Variants in LSM2 observed in about 807,000 individuals in gnomAD.
The protein encoded by LSM2 is LSM2 homolog, U6 small nuclear RNA and mRNA degradation associated.
A neutral mutation model predicts 17.0 loss-of-function variants in LSM2; 12 were observed. That is an observed-to-expected ratio of 0.70 (90% CI 0.45 to 1.14). The LOEUF (loss-of-function observed/expected upper bound fraction) is 1.14. Among genes scored for constraint, LSM2 ranks in the 50% most tolerant of loss-of-function variants. The pLI, the probability that LSM2 is intolerant of heterozygous loss-of-function variation, is 0.00. For synonymous variants in LSM2, 42 were observed against 44.5 expected (o/e 0.94, Z 0.22); for missense variants, 62 against 111.8 (o/e 0.55, Z 2.01).
In LSM2 at chr6:31,800,610, G is replaced by A. The variant is rs532515684; in HGVS notation, c.72-2103C>T. Among the ~76,000 whole-genome samples, 12 of 152,108 alleles carry A rather than the reference G, an allele frequency of 7.9e-5. 1 individual carries two copies. Among genetic ancestry groups the A allele is most frequent in the African/African-American group, 2.4e-4 (10 of 41,498 alleles). Reference sequence around the variant, plus strand: ...TCTACTAAAAATACAAAAATTGGCCGGGCGTGGTGGCTCACGCCTATAATC... The same window carrying A: ...TCTACTAAAAATACAAAAATTGGCCAGGCGTGGTGGCTCACGCCTATAATC... On this transcript the variant is annotated intron_variant, in intron 2 of 4. Transcript: ENST00000375661.
At chr6:31,800,260 C>T (rs901093847) in intron 2 of LSM2, among the ~76,000 whole-genome samples, 1 of 151,868 alleles carries the variant, frequency 6.6e-6, no homozygotes, top group South Asian at 2.1e-4. Context: ...CACTTGAACC[C>T]GGGAGGTGGA....
At chr6:31,804,789 C>T (rs1348369085) in intron 2 of LSM2, among the ~76,000 whole-genome samples, 5 of 107,684 alleles carry the variant, frequency 4.6e-5, no homozygotes, top group Admixed American at 3.7e-4. Context: ...TTTTTTGAGA[C>T]GGAGTCTTGC....
At chr6:31,799,856 T>G (rs1222192913) in intron 2 of LSM2, among the ~76,000 whole-genome samples, 3 of 152,052 alleles carry the variant, frequency 2.0e-5, no homozygotes, top group Non-Finnish European at 4.4e-5. Context: ...AGGAATGCTA[T>G]CAAAACACCA....
At chr6:31,801,271 G>A (rs1230027640) in intron 2 of LSM2, among the ~76,000 whole-genome samples, 1 of 151,462 alleles carries the variant, frequency 6.6e-6, no homozygotes, top group Admixed American at 6.6e-5. Flanking sequence ...GAGACAGAGG[G>A]TGAGTCTCTG....
At chr6:31,803,401 TAGCCCC>T (rs1482740513) in intron 2 of LSM2, among the ~76,000 whole-genome samples, 8 of 152,130 alleles carry the variant, frequency 5.3e-5, no homozygotes, top group Non-Finnish European at 1.0e-4. Flanking sequence ...TGGTGGCATA[TAGCCCC>T]AGCTATTCAG....
chr6:31,798,733 C>CTTTTTTTTTTTTTTTTTTTTTTTTTTTTT (rs9281580), intron 2 of LSM2, among the ~76,000 whole-genome samples: 1 of 89,852 alleles, frequency 1.1e-5, no homozygotes, highest in African/African-American at 4.3e-5. Context: ...CCAATCCATT[C>CTTTTTTTTTTTTTTTTTTTTTTTTTTTTT]TTTTTTTTTT....
At chr6:31,803,784 T>G (rs1190152482) in intron 2 of LSM2, among the ~76,000 whole-genome samples, 3 of 152,034 alleles carry the variant, frequency 2.0e-5, no homozygotes. Flanking sequence ...TTTCACCATG[T>G]TGGCCAAGCT....
At chr6:31,803,943 C>T (rs1814860559) in intron 2 of LSM2, among the ~76,000 whole-genome samples, 1 of 152,082 alleles carries the variant, frequency 6.6e-6, no homozygotes, top group Admixed American at 6.6e-5. Flanking sequence ...CTGGCTCATG[C>T]GCGTAACCCC....
intron 2 of LSM2, 49 bp from the exon 3 acceptor site, chr6:31,798,556 C>A (rs755074100): frequency 6.2e-7 from 1 of 1,605,654 alleles, no homozygotes; most frequent in Non-Finnish European, 8.5e-7. Flanking sequence ...ATAACAAAGT[C>A]AACATAGAGG....
At chr6:31,798,432 T>C in intron 3 of LSM2, 45 bp downstream of exon 3, 1 of 1,610,886 alleles carries the variant, frequency 6.2e-7, no homozygotes, top group Non-Finnish European at 8.5e-7. Flanking sequence ...AAGTCTCCCC[T>C]CTCCTTCTCC....
chr6:31,806,911 G>GCTC lies in LSM2; in HGVS notation c.-155_-154insGAG. 9.7e-7 allele frequency: 1 copy of GCTC among 1,026,860 alleles called. No homozygotes were observed. The highest frequency in any genetic ancestry group is 1.4e-6 in the Non-Finnish European group (1 of 724,302). The allele number at this position is 1,026,860 out of a possible 1,614,324, so 63.6% of individuals were successfully genotyped here. A position where few individuals can be genotyped will look rare whatever the true frequency, so the allele number is the denominator to read the frequency against. ...CGCAGAAAGCTCCAAGCGCTGACGG[G>GCTC]CAAAGCGCGGCCGACTTGCGGCTGG... is the stretch of plus-strand genomic sequence containing the variant. On this transcript the variant is annotated 5_prime_UTR_variant, in exon 1 of 5. Coordinates refer to ENST00000375661, the MANE Select transcript of LSM2 (RefSeq NM_021177.5).
In LSM2 at chr6:31,806,110, G is replaced by A; in HGVS notation, c.36C>T (p.Gly12=). ...LFYSFFKSLV[G]KDVVVELKND... The stretch of plus-strand genomic sequence containing the variant: ...TCTTTAGTTCCACGACCACATCCTT[G>A]CCCACAAGGGACTTGAAAAAAGAAT... Residue 12 remains glycine (G), a synonymous_variant, in exon 2 of 5, where the codon GGC becomes GGT. Coordinates refer to ENST00000375661, the MANE Select transcript of LSM2 (RefSeq NM_021177.5). 6.2e-7 allele frequency: 1 copy of A among 1,612,906 alleles called. No individual in the cohort carries two copies. Among genetic ancestry groups the A allele is most frequent in the Non-Finnish European group, 8.5e-7 (1 of 1,179,930 alleles).
intron 1 of LSM2, chr6:31,806,398 C>G (rs1399450841): frequency 6.7e-6 from 4 of 601,098 alleles, no homozygotes; most frequent in African/African-American, 5.6e-5. Context: ...CCACTGTGCT[C>G]TCTCAGTCGA....
In LSM2 at chr6:31,806,815, G is replaced by A. The variant is rs1815071201; in HGVS notation, c.-58C>T. Reference sequence around the variant, plus strand: ...GGAAGACAGCAGGGTGCTGCGAGCAGGTCTGGGGAAACCGAAGCGCGAGCC... The same window carrying A: ...GGAAGACAGCAGGGTGCTGCGAGCAAGTCTGGGGAAACCGAAGCGCGAGCC... On this transcript the variant is annotated 5_prime_UTR_variant, in exon 1 of 5. Transcript: ENST00000375661. The A allele has an allele frequency of 6.4e-7, 1 of 1,563,402 alleles. No homozygotes were observed. The highest frequency in any genetic ancestry group is 8.6e-7 in the Non-Finnish European group (1 of 1,159,836).
chr6:31,805,421 G>C (rs1814972638), intron 2 of LSM2, among the ~76,000 whole-genome samples: 4 of 148,350 alleles, frequency 2.7e-5, no homozygotes, highest in African/African-American at 1.0e-4. Context: ...CTGGAGTGCA[G>C]CAGTGTGATC....
At chr6:31,802,267 G>A (rs1218226597) in intron 2 of LSM2, among the ~76,000 whole-genome samples, 1 of 150,750 alleles carries the variant, frequency 6.6e-6, no homozygotes, top group Admixed American at 6.7e-5. Flanking sequence ...GTGACAGAGT[G>A]AGACCCCATC....
At chr6:31,806,374 A>G (rs1341432202) in intron 1 of LSM2, 6 of 604,114 alleles carry the variant, frequency 9.9e-6, no homozygotes, top group Non-Finnish European at 1.8e-5. Flanking sequence ...TCTGCCCTGC[A>G]TACGTCGGCC....
rs1210099419 is a variant in LSM2 at position 31,806,725 on chromosome 6, G to A, written c.3+30C>T. On this transcript the variant is annotated intron_variant, in intron 1 of 4. Transcript: ENST00000375661. ...GCCCCAACCATGCGAGGTCCCCGAG[G>A]GCGCCCCCTTTTGACGTCACGGTAC... The A allele has an allele frequency of 2.5e-6, 4 of 1,608,478 alleles. No individual in the cohort carries two copies. In the South Asian group the frequency reaches 3.3e-5, roughly 13 times the overall value.
intron 2 of LSM2, among the ~76,000 whole-genome samples, chr6:31,802,526 C>T (rs757012740): frequency 4.0e-5 from 6 of 151,546 alleles, no homozygotes; most frequent in Non-Finnish European, 5.9e-5. Context: ...ACCAGGGAGT[C>T]GGAGGTTACA....
Sources: gnomAD v4.1 joint callset for allele counts (sites outside exome capture counted in the v4.1 genomes callset) on GRCh38, gnomAD v4.1.1 for gene constraint, MANE v1.5 for transcripts, NCBI Gene and HGNC (gene_info 2026-07-23, HGNC 2026-07-21) for gene names.